The following ZNF730 variants were observed in gnomAD, a reference collection of about 807,000 sequenced individuals.
The protein encoded by ZNF730 is zinc finger protein 730, also known as putative zinc finger protein 730.
A neutral mutation model predicts 12.6 loss-of-function variants in ZNF730; 12 were observed. The ratio of observed to expected loss-of-function variants is 0.95; its 90% CI spans 0.61 to 1.54. The LOEUF (loss-of-function observed/expected upper bound fraction) is 1.54. Ranked by LOEUF, ZNF730 falls within the 40% of genes most tolerant of loss-of-function variation. ZNF730 has a pLI of 0.00. For missense variants in ZNF730, 643 were observed against 583.5 expected (o/e 1.10, Z -1.05); for synonymous variants, 194 against 195.8 (o/e 0.99, Z 0.08).
intron 1 of ZNF730, among the ~76,000 whole-genome samples, chr19:23,084,070 T>C (rs895884240): frequency 6.6e-6 from 1 of 152,198 alleles, no homozygotes; most frequent in Non-Finnish European, 1.5e-5. Context: ...ATTTGAGTCT[T>C]TAATTCATCT....
chr19:23,097,480 C>G (rs1411373041), intron 1 of ZNF730, among the ~76,000 whole-genome samples: 1 of 152,118 alleles, frequency 6.6e-6, no homozygotes, highest in African/African-American at 2.4e-5. Context: ...CTGGGCCCAA[C>G]ACCAAGGTTA....
At chr19:23,094,356 C>CTCTATCTATCA (rs374370130) in intron 1 of ZNF730, among the ~76,000 whole-genome samples, 3 of 148,738 alleles carry the variant, frequency 2.0e-5, no homozygotes, top group African/African-American at 5.0e-5. Flanking sequence ...CCATGCCTGG[C>CTCTATCTATCA]TCTATCTATC....
At chr19:23,076,149 A>T (rs1401477570) in intron 1 of ZNF730, among the ~76,000 whole-genome samples, 2 of 152,198 alleles carry the variant, frequency 1.3e-5, no homozygotes, top group Non-Finnish European at 2.9e-5. Flanking sequence ...GTGGGATATG[A>T]GACCAACTTC....
At position 23,101,932 on chromosome 19, in the gene ZNF730, C is replaced by A. The variant is rs558347584; in HGVS notation, c.-94+26545C>A. On this transcript the variant is annotated intron_variant, in intron 1 of 2. Transcript: ENST00000593635. ...TTGCATTGGTACTGCTCACAGGGTG[C>A]ATTGTGACATATTTCTAAGCCCTTC... Among the ~76,000 whole-genome samples the A allele has an allele frequency of 1.9e-4, 29 of 152,258 alleles. No individual in the cohort carries two copies. In the Middle Eastern group the frequency reaches 0.01, roughly 54 times the overall value.
intron 1 of ZNF730, among the ~76,000 whole-genome samples, chr19:23,094,356 C>CTCTATCTA (rs78556330): frequency 0.035 from 5,228 of 148,798 alleles, 158 homozygotes; most frequent in African/African-American, 0.07. Flanking sequence ...CCATGCCTGG[C>CTCTATCTA]TCTATCTATC....
chr19:23,111,908 G>A (rs1943316327), intron 1 of ZNF730, among the ~76,000 whole-genome samples: 1 of 152,238 alleles, frequency 6.6e-6, no homozygotes, highest in Non-Finnish European at 1.5e-5. Context: ...GCACCTAAGA[G>A]AACCTCATGT....
chr19:23,122,909 A>T (rs1026703996), intron 1 of ZNF730, among the ~76,000 whole-genome samples: 1 of 152,230 alleles, frequency 6.6e-6, no homozygotes, highest in Admixed American at 6.5e-5. Flanking sequence ...AAAATTATTT[A>T]TACTTAGATA....
intron 3 of ZNF730, among the ~76,000 whole-genome samples, chr19:23,144,493 G>T (rs769926759): frequency 9.9e-5 from 15 of 151,978 alleles, no homozygotes; most frequent in Non-Finnish European, 1.6e-4. Context: ...AAGGTCAAGA[G>T]ATCGAGACCA....
chr19:23,084,058 A>G lies in ZNF730; in HGVS notation c.-94+8671A>G, dbSNP rs150326917. ...TAATAGTTTCATAGTTTGTGGTATT[A>G]CATTTGAGTCTTTAATTCATCTTGA... On this transcript the variant is annotated intron_variant, in intron 1 of 2. Transcript: ENST00000593635. 1.7e-3 allele frequency among the ~76,000 whole-genome samples: 261 copies of G among 152,258 alleles called. 3 individuals carry two copies. The Middle Eastern group carries it at 0.034, about 20-fold the overall frequency.
At chr19:23,144,218 T>A (rs1034402197) in intron 3 of ZNF730, 3 of 152,166 alleles carry the variant, frequency 2.0e-5, no homozygotes, top group African/African-American at 7.2e-5. Flanking sequence ...TATATTGTAA[T>A]CTTTAATTGA....
In ZNF730 at chr19:23,145,833, AT is replaced by A; in HGVS notation, c.795del (p.Phe265LeufsTer96). The A allele has an allele frequency of 6.2e-7, 1 of 1,602,734 alleles. No individual in the cohort carries two copies. Among genetic ancestry groups the A allele is most frequent in the South Asian group, 1.1e-5 (1 of 89,716 alleles). On this transcript the variant is annotated frameshift_variant, in exon 4 of 4. Transcript: ENST00000597761. LOFTEE classifies it low-confidence loss of function (END_TRUNC). ...KPYQCEKCGK[F>X]FNQSTNLTTH... ...CCTACCAATGTGAGAAATGTGGCAA[AT>A]TTTTTAACCAATCCACAAACCTTAC...
intron 1 of ZNF730, among the ~76,000 whole-genome samples, chr19:23,131,282 T>A (rs1970739820): frequency 6.6e-6 from 1 of 152,104 alleles, no homozygotes. Context: ...CAGAAAAAAA[T>A]ATGGATCATT....
At chr19:23,077,497 G>A (rs1969885391) in intron 1 of ZNF730, among the ~76,000 whole-genome samples, 1 of 127,356 alleles carries the variant, frequency 7.9e-6, no homozygotes, top group African/African-American at 3.0e-5. Context: ...GAGTGCAGTA[G>A]CAGTGTCTTG....
intron 1 of ZNF730, among the ~76,000 whole-genome samples, chr19:23,101,154 A>C (rs1313986959): frequency 6.6e-6 from 1 of 152,188 alleles, no homozygotes; most frequent in African/African-American, 2.4e-5. Context: ...ATCATAAGAG[A>C]ACATAGCACA....
At chr19:23,114,300 C>T (rs1163975289), upstream of ZNF730, among the ~76,000 whole-genome samples, 10 of 119,496 alleles carry the variant, frequency 8.4e-5, no homozygotes, top group South Asian at 5.2e-4. Flanking sequence ...TTTTCTTTTT[C>T]TTTTCTTTTT....
intron 1 of ZNF730, chr19:23,099,930 A>T (rs914030006): frequency 6.6e-6 from 1 of 151,926 alleles, no homozygotes; most frequent in African/African-American, 2.4e-5. Context: ...GTGACATATC[A>T]CTGGGCCTTG....
chr19:23,116,988 G>A (rs1306175439), upstream of ZNF730: 6 of 1,130,112 alleles, frequency 5.3e-6, no homozygotes, highest in Admixed American at 2.5e-5. Flanking sequence ...CAGGCCCGCA[G>A]CTGGAGCAGA....
intron 3 of ZNF730, chr19:23,143,532 A>G (rs1431920463): frequency 1.3e-5 from 2 of 152,070 alleles, no homozygotes; most frequent in African/African-American, 4.8e-5. Context: ...TTTTTGTTTG[A>G]TTATATGGTA....
chr19:23,117,736 T>TA (rs1970549872), intron 1 of ZNF730, among the ~76,000 whole-genome samples: 1 of 152,188 alleles, frequency 6.6e-6, no homozygotes, highest in Non-Finnish European at 1.5e-5. Context: ...ATCGGTTAGG[T>TA]ACAGTTACAT....
Sources: gnomAD v4.1 joint callset for allele counts (sites outside exome capture counted in the v4.1 genomes callset) on GRCh38, gnomAD v4.1.1 for gene constraint, MANE v1.5 for transcripts, NCBI Gene and HGNC (gene_info 2026-07-23, HGNC 2026-07-21) for gene names.